Variants in PEX5L observed in about 807,000 individuals in gnomAD.
The protein encoded by PEX5L is PEX5-related protein.
In PEX5L, 30 loss-of-function variants were observed where a neutral mutation model predicts 84.0. The observed-to-expected ratio is 0.36, with a 90% CI of 0.27 to 0.48. The LOEUF is 0.48. PEX5L is among the 20% of genes least tolerant of loss of function. The pLI is 0.99. For missense variants in PEX5L, 533 were observed against 754.6 expected (o/e 0.71, Z 3.44); for synonymous variants, 270 against 283.1 (o/e 0.95, Z 0.46).
rs2108601703 is a variant in PEX5L, at chr3:179,797,176, T to TCAA, written c.*4649_*4651dup. ...GTTTAAGTTTGGGATCTGTTGTGCC[T>TCAA]CAACTGGTTTTTGAAAAAGTGTTTA... On this transcript the variant is annotated 3_prime_UTR_variant, in exon 15 of 15. Transcript: ENST00000467460. 2 of 152,316 alleles carry TCAA rather than the reference T, an allele frequency of 1.3e-5. No homozygotes were observed. Among genetic ancestry groups the TCAA allele is most frequent in the South Asian group, 4.1e-4 (2 of 4,824 alleles). The allele number at this position is 152,316 out of a possible 1,614,324, so 9.4% of individuals were successfully genotyped here.
In PEX5L at chr3:179,840,162, TG is replaced by T. The variant is rs1385708933; in HGVS notation, c.822+18899del. Among the ~76,000 whole-genome samples the T allele has an allele frequency of 1.1e-3, 119 of 105,716 alleles. 2 individuals carry two copies. The highest frequency in any genetic ancestry group is 4.4e-3 in the African/African-American group (111 of 25,078). 69.4% of individuals were successfully genotyped at this position (105,716 alleles called of 152,430 possible). ...GGAAAACTATCGTCAAGTTGTTTTT[TG>T]TGTGTGTGTGTGTGTGTGTGTTTTT... On this transcript the variant is annotated intron_variant, in intron 8 of 14. Coordinates refer to ENST00000467460, the MANE Select transcript of PEX5L (RefSeq NM_016559.3).
chr3:179,925,885 C>T (rs907723394), intron 2 of PEX5L, among the ~76,000 whole-genome samples: 4 of 152,084 alleles, frequency 2.6e-5, no homozygotes, highest in Non-Finnish European at 2.9e-5. Flanking sequence ...AAAATGTCAG[C>T]ATCACAAGGT....
At chr3:180,035,018 G>A (rs1791773950) in intron 1 of PEX5L, among the ~76,000 whole-genome samples, 1 of 152,096 alleles carries the variant, frequency 6.6e-6, no homozygotes, top group African/African-American at 2.4e-5. Flanking sequence ...TTCATTCACA[G>A]TAACATATTT....
intron 1 of PEX5L, among the ~76,000 whole-genome samples, chr3:179,996,304 G>A (rs1303164922): frequency 6.6e-6 from 1 of 152,204 alleles, no homozygotes; most frequent in Non-Finnish European, 1.5e-5. Flanking sequence ...AAGGGTGTGG[G>A]ATAATGGGGG....
chr3:179,924,474 TA>T (rs755715563), intron 2 of PEX5L, among the ~76,000 whole-genome samples: 6 of 152,170 alleles, frequency 3.9e-5, no homozygotes, highest in Non-Finnish European at 5.9e-5. Flanking sequence ...AAAGCTGAAA[TA>T]ATTTAATTCA....
chr3:180,028,078 C>T (rs548844151), intron 1 of PEX5L, among the ~76,000 whole-genome samples: 4 of 152,180 alleles, frequency 2.6e-5, no homozygotes, highest in African/African-American at 9.6e-5. Flanking sequence ...TGAAAAGTTC[C>T]TTTTTTTCTT....
At chr3:180,030,215 T>C (rs1477730520) in intron 1 of PEX5L, among the ~76,000 whole-genome samples, 2 of 152,184 alleles carry the variant, frequency 1.3e-5, no homozygotes, top group African/African-American at 2.4e-5. Context: ...GTCTTTCCCA[T>C]GGTGCTTCTC....
At chr3:179,845,266 A>G (rs1482915602) in intron 8 of PEX5L, among the ~76,000 whole-genome samples, 1 of 152,230 alleles carries the variant, frequency 6.6e-6, no homozygotes, top group African/African-American at 2.4e-5. Context: ...AAGGTCACTA[A>G]GATAGGATAT....
At chr3:179,885,450 T>A (rs906673872) in intron 4 of PEX5L, among the ~76,000 whole-genome samples, 1 of 151,946 alleles carries the variant, frequency 6.6e-6, no homozygotes, top group East Asian at 1.9e-4. Flanking sequence ...ATTGAGACCA[T>A]CCTGGCTAAC....
chr3:179,948,435 A>C (rs1203710722), intron 2 of PEX5L, among the ~76,000 whole-genome samples: 1 of 152,230 alleles, frequency 6.6e-6, no homozygotes, highest in Non-Finnish European at 1.5e-5. Flanking sequence ...CAGCAAGATG[A>C]GAAATTATCA....
intron 1 of PEX5L, among the ~76,000 whole-genome samples, chr3:179,996,805 G>A (rs1055162307): frequency 3.3e-5 from 5 of 152,224 alleles, no homozygotes; most frequent in Non-Finnish European, 5.9e-5. Context: ...AAGGCAAGGT[G>A]GGCGTAGCTA....
At chr3:179,929,489 ATTT>A (rs5854851) in intron 2 of PEX5L, among the ~76,000 whole-genome samples, 7 of 129,106 alleles carry the variant, frequency 5.4e-5, no homozygotes, top group African/African-American at 1.7e-4. Context: ...TGAAGTTGCC[ATTT>A]TTTTTTTTTT....
chr3:179,855,951 A>G (rs1743779422), intron 8 of PEX5L, among the ~76,000 whole-genome samples: 1 of 152,240 alleles, frequency 6.6e-6, no homozygotes, highest in South Asian at 2.1e-4. Flanking sequence ...CAAATGGACT[A>G]AGACAAACTC....
chr3:179,913,940 C>G (rs1024755745), intron 2 of PEX5L, among the ~76,000 whole-genome samples: 1 of 151,952 alleles, frequency 6.6e-6, no homozygotes, highest in Non-Finnish European at 1.5e-5. Context: ...TTCTCCTTTT[C>G]TAAAATGAGC....
At position 179,978,508 on chromosome 3, in the gene PEX5L, A is replaced by G. The variant is rs964316551; in HGVS notation, c.22-6843T>C. 4.6e-5 allele frequency among the ~76,000 whole-genome samples: 7 copies of G among 152,280 alleles called. 1 individual carries two copies. The highest frequency in any genetic ancestry group is 1.4e-4 in the African/African-American group (6 of 41,576). On this transcript the variant is annotated intron_variant, in intron 1 of 14. Coordinates refer to ENST00000467460, the MANE Select transcript of PEX5L (RefSeq NM_016559.3). ...AGACCCTGTGTACTCAACTACCTAG[A>G]TTCTACTAACTTTTATTATACTTGC...
At chr3:179,886,666 TA>T in intron 4 of PEX5L, among the ~76,000 whole-genome samples, 1 of 152,316 alleles carries the variant, frequency 6.6e-6, no homozygotes, top group African/African-American at 2.4e-5. Flanking sequence ...CCAGAAACTG[TA>T]AAATATGACC....
At chr3:179,860,484 A>C (rs1174245761) in intron 7 of PEX5L, among the ~76,000 whole-genome samples, 1 of 152,220 alleles carries the variant, frequency 6.6e-6, no homozygotes, top group Non-Finnish European at 1.5e-5. Context: ...TTAAATAAGA[A>C]ACTCTGGGGG....
chr3:179,798,244 TTTCTG>T lies in PEX5L; in HGVS notation c.*3579_*3583del, dbSNP rs1577040700. ...TCCTACCCAGTTATGTTTCCTTACT[TTTCTG>T]TTCTAGTAGGAATCCAGATTGACTG... is the stretch of plus-strand genomic sequence containing the variant. On this transcript the variant is annotated 3_prime_UTR_variant, in exon 15 of 15. Coordinates refer to ENST00000467460, the MANE Select transcript of PEX5L (RefSeq NM_016559.3). The T allele has an allele frequency of 1.3e-5, 2 of 152,328 alleles. No individual in the cohort carries two copies. Among genetic ancestry groups the T allele is most frequent in the South Asian group, 4.1e-4 (2 of 4,832 alleles). 9.4% of individuals were successfully genotyped at this position (152,328 alleles called of 1,614,324 possible). A position where few individuals can be genotyped will look rare whatever the true frequency, so the allele number is the denominator to read the frequency against.
intron 2 of PEX5L, chr3:179,900,641 G>A (rs1378398996): frequency 2.7e-6 from 4 of 1,454,882 alleles, no homozygotes; most frequent in Non-Finnish European, 3.7e-6. Context: ...TACATGCGGT[G>A]CTTTTTATTT....
Sources: allele counts gnomAD v4.1 joint callset (sites outside exome capture counted in the v4.1 genomes callset), GRCh38; gene constraint gnomAD v4.1.1; transcripts MANE v1.5; gene names NCBI Gene and HGNC (gene_info 2026-07-23, HGNC 2026-07-21).